Variants in MAP3K13 observed in about 807,000 individuals in gnomAD.
The protein encoded by MAP3K13 is mitogen-activated protein kinase kinase kinase 13, also known as leucine zipper-bearing kinase.
MAP3K13 carries 52 observed loss-of-function variants against 104.0 expected under a neutral mutation model. The ratio of observed to expected loss-of-function variants is 0.50; its 90% confidence interval spans 0.40 to 0.63. MAP3K13 has a LOEUF of 0.63. Among genes scored for constraint, MAP3K13 ranks in the 20% least tolerant of loss-of-function variants. MAP3K13 has a pLI of 0.00. For missense variants in MAP3K13, 914 were observed against 1,218.5 expected (o/e 0.75, Z 3.72); for synonymous variants, 394 against 442.2 (o/e 0.89, Z 1.37).
At position 185,418,582 on chromosome 3, in the gene MAP3K13, G is replaced by C. The variant is rs1577533979; in HGVS notation, c.-85-9915G>C. 1 of 1,612,408 alleles carries C rather than the reference G, an allele frequency of 6.2e-7. No individual in the cohort carries two copies. The highest frequency in any genetic ancestry group is 2.2e-5 in the East Asian group (1 of 44,888). On this transcript the variant is annotated intron_variant, in intron 1 of 13. Coordinates refer to ENST00000265026, the MANE Select transcript of MAP3K13 (RefSeq NM_004721.5). This position sits in a 1 kb window ranked among gnomAD's most constrained non-coding sequence, Gnocchi z 4.5. ...AGCCATAGCTCTGCCAGTACCCCAA[G>C]ACTCAGCACTGGTCTGATGACCTGC...
At chr3:185,304,692 G>A (rs900215445) in intron 2 of MAP3K13, among the ~76,000 whole-genome samples, 2 of 152,008 alleles carry the variant, frequency 1.3e-5, no homozygotes, top group African/African-American at 4.8e-5. Flanking sequence ...GGAGTACAGT[G>A]GCGCGATCTT....
chr3:185,283,523 T>C (rs7429119), intron 1 of MAP3K13, among the ~76,000 whole-genome samples: 121,218 of 152,158 alleles, frequency 0.8, 48,557 homozygotes, highest in Middle Eastern at 0.84. Context: ...GTTTCTGGCT[T>C]CCCGGCAGAA....
Position 185,449,916 on chromosome 3 carries a change from C to A in MAP3K13, c.1027C>A (p.Leu343Ile). The A allele has an allele frequency of 6.2e-7, 1 of 1,610,994 alleles. No individual in the cohort carries two copies. The highest frequency in any genetic ancestry group is 8.5e-7 in the Non-Finnish European group (1 of 1,178,770). ...KVDIWSFGVVLWELLTGEIPY... is the reference protein window; with the variant it reads ...KVDIWSFGVVIWELLTGEIPY... ...CTACTGTAGGTCTTTTGGAGTGGTG[C>A]TTTGGGAGCTGCTGACAGGAGAGAT... The change falls in exon 6 of 14, where the codon CTT becomes ATT. Residue 343 changes from leucine (L) to isoleucine (I), a missense_variant. Leu to Ile is a conservative substitution (Grantham distance 5). Transcript: ENST00000265026.
At chr3:185,413,564 G>A (rs890462943) in intron 1 of MAP3K13, among the ~76,000 whole-genome samples, 3 of 152,206 alleles carry the variant, frequency 2.0e-5, no homozygotes. Context: ...GTTCACACCT[G>A]TAATCCCAGC....
chr3:185,307,505 A>G (rs1331922926), intron 2 of MAP3K13, among the ~76,000 whole-genome samples: 1 of 145,624 alleles, frequency 6.9e-6, no homozygotes, highest in Non-Finnish European at 1.5e-5. Context: ...ATTCAGTTTT[A>G]TATTCTTCAG....
In MAP3K13 at chr3:185,465,971, C is replaced by A. The variant is rs566903581; in HGVS notation, c.1505+108C>A. 5.3e-5 allele frequency: 44 copies of A among 835,848 alleles called. No individual in the cohort carries two copies. The South Asian group carries it at 5.7e-4, about 11-fold the overall frequency. 51.8% of individuals were successfully genotyped at this position (835,848 alleles called of 1,614,324 possible). ...ACTCAGAACTGGCAGATATTTTATT[C>A]ATTCACCCAACATTCCTTCCGGGAT... On this transcript the variant is annotated intron_variant, in intron 9 of 13. Transcript: ENST00000265026.
intron 2 of MAP3K13, among the ~76,000 whole-genome samples, chr3:185,308,735 A>G (rs1721393443): frequency 6.6e-6 from 1 of 152,222 alleles, no homozygotes; most frequent in Admixed American, 6.5e-5. Flanking sequence ...CTTTGGATGC[A>G]CATTCTATCC....
chr3:185,459,230 C>T (rs1218443605), intron 7 of MAP3K13, among the ~76,000 whole-genome samples: 1 of 152,128 alleles, frequency 6.6e-6, no homozygotes, highest in Admixed American at 6.5e-5. Flanking sequence ...TGGACACTCA[C>T]ATCAGGAGAG....
intron 1 of MAP3K13, among the ~76,000 whole-genome samples, chr3:185,401,407 C>G (rs1251915576): frequency 1.3e-5 from 2 of 152,122 alleles, no homozygotes; most frequent in South Asian, 4.1e-4. Context: ...GGGACAGGTC[C>G]CCTCCCTGTC....
At chr3:185,476,138 C>G (rs1027484960) in intron 11 of MAP3K13, among the ~76,000 whole-genome samples, 5 of 152,060 alleles carry the variant, frequency 3.3e-5, no homozygotes, top group African/African-American at 1.2e-4. Flanking sequence ...CAGGCTCCCC[C>G]AAATAACATG....
At chr3:185,467,168 A>G (rs1020579645) in intron 10 of MAP3K13, among the ~76,000 whole-genome samples, 3 of 152,208 alleles carry the variant, frequency 2.0e-5, no homozygotes, top group Non-Finnish European at 2.9e-5. Context: ...TGGCATAAAT[A>G]TTTATTGTCT....
intron 1 of MAP3K13, chr3:185,417,695 G>C: frequency 4.3e-6 from 7 of 1,612,614 alleles, no homozygotes; most frequent in Non-Finnish European, 5.9e-6. Context: ...GATTTGGCTG[G>C]TAGTGCTGCT....
At chr3:185,312,835 T>C (rs990267711) in intron 2 of MAP3K13, among the ~76,000 whole-genome samples, 3 of 152,150 alleles carry the variant, frequency 2.0e-5, no homozygotes, top group Admixed American at 6.5e-5. Context: ...TTGATAGCCA[T>C]TGAGAAAAAG....
chr3:185,376,412 G>A (rs1022683440), intron 1 of MAP3K13, among the ~76,000 whole-genome samples: 3 of 152,190 alleles, frequency 2.0e-5, no homozygotes, highest in Admixed American at 6.5e-5. Flanking sequence ...GCCACTGCAC[G>A]CAGACGTGAG....
intron 2 of MAP3K13, among the ~76,000 whole-genome samples, chr3:185,356,797 AAC>A (rs1234655590): frequency 6.6e-6 from 1 of 152,130 alleles, no homozygotes; most frequent in East Asian, 1.9e-4. Context: ...TCCCTATCTG[AAC>A]CATATGGACT....
intron 2 of MAP3K13, among the ~76,000 whole-genome samples, chr3:185,335,080 GAGA>G (rs1486806814): frequency 6.6e-6 from 1 of 150,564 alleles, no homozygotes; most frequent in Non-Finnish European, 1.5e-5. Flanking sequence ...AAGATTTCTT[GAGA>G]AGGACACTAA....
chr3:185,356,488 C>G (rs1483959686), intron 2 of MAP3K13, among the ~76,000 whole-genome samples: 1 of 152,184 alleles, frequency 6.6e-6, no homozygotes, highest in Non-Finnish European at 1.5e-5. Flanking sequence ...TGTCCAGTGG[C>G]CTTTTTCAGG....
intron 7 of MAP3K13, among the ~76,000 whole-genome samples, chr3:185,452,866 C>A (rs1715971795): frequency 6.6e-6 from 1 of 152,178 alleles, no homozygotes; most frequent in Non-Finnish European, 1.5e-5. Context: ...AAGTGATTTC[C>A]AGGCCTGTGC....
rs1327120008 is a variant in MAP3K13 at position 185,488,221 on chromosome 3, GGTCA to G, written c.*5768_*5771del. ...TTCTTTTCGAGACTTTGACTTGTACGGTCAGTATGAATTTAGTGCCTTTCCAGGC... is the reference window on the plus strand; with the variant it reads ...TTCTTTTCGAGACTTTGACTTGTACGGTATGAATTTAGTGCCTTTCCAGGC... On this transcript the variant is annotated 3_prime_UTR_variant, in exon 14 of 14. Transcript: ENST00000265026. 2 of 152,090 alleles carry G rather than the reference GGTCA, an allele frequency of 1.3e-5. No individual in the cohort carries two copies. Among genetic ancestry groups the G allele is most frequent in the Non-Finnish European group, 2.9e-5 (2 of 68,044 alleles). The allele number at this position is 152,090 out of a possible 1,614,324, so 9.4% of individuals were successfully genotyped here.
Sources: allele counts gnomAD v4.1 joint callset (sites outside exome capture counted in the v4.1 genomes callset), GRCh38; gene constraint gnomAD v4.1.1; non-coding constraint Gnocchi (gnomAD v3.1); transcripts MANE v1.5; gene names NCBI Gene and HGNC (gene_info 2026-07-23, HGNC 2026-07-21).